The following MAGI2 variants were observed in gnomAD, a reference collection of about 807,000 sequenced individuals.
MAGI2 encodes membrane-associated guanylate kinase, WW and PDZ domain-containing protein 2.
Under a neutral mutation model 133.3 loss-of-function variants are expected in MAGI2, and 35 were observed. That is an observed-to-expected ratio of 0.26 (90% CI 0.20 to 0.35). MAGI2 has a LOEUF of 0.35. Ranked by LOEUF, MAGI2 falls within the 10% of genes least tolerant of loss-of-function variation. The pLI is 1.00. For synonymous variants in MAGI2, 729 were observed against 710.6 expected, an observed-to-expected ratio of 1.03 and a Z score of -0.41; for missense variants, 1,636 against 1,863.4, an observed-to-expected ratio of 0.88 and a Z score of 2.25.
chr7:79,077,202 G>A lies in MAGI2; in HGVS notation c.302-69996C>T, dbSNP rs942932960. On this transcript the variant is annotated intron_variant, in intron 1 of 21. Coordinates refer to ENST00000354212, the MANE Select transcript of MAGI2 (RefSeq NM_012301.4). ...TTTGTACTGTGGTTCCTATTTCCTA[G>A]CCCCCATCTGATTCTTGGTTCTGAA... Among the ~76,000 whole-genome samples, 5 of 152,140 alleles carry A rather than the reference G, an allele frequency of 3.3e-5. No individual in the cohort carries two copies. In the East Asian group the frequency reaches 9.7e-4, roughly 29 times the overall value.
chr7:78,134,295 A>G (rs1821870575), intron 17 of MAGI2: 1 of 152,262 alleles, frequency 6.6e-6, no homozygotes, highest in African/African-American at 2.4e-5. Context: ...GAGTGAGCCC[A>G]TCAGCCTCTG....
At chr7:78,993,973 C>A (rs1375320821) in intron 2 of MAGI2, among the ~76,000 whole-genome samples, 5 of 152,020 alleles carry the variant, frequency 3.3e-5, no homozygotes, top group African/African-American at 7.2e-5. Flanking sequence ...ATCCCCTGAG[C>A]CAGAATTGGG....
chr7:78,076,626 C>A (rs931894730), intron 21 of MAGI2, among the ~76,000 whole-genome samples: 6 of 149,138 alleles, frequency 4.0e-5, no homozygotes, highest in Admixed American at 6.6e-5. Context: ...GCGGGTGGAT[C>A]ATGAGGTCAG....
intron 2 of MAGI2, among the ~76,000 whole-genome samples, chr7:78,673,868 T>A (rs1199460179): frequency 6.6e-6 from 1 of 152,220 alleles, no homozygotes; most frequent in Non-Finnish European, 1.5e-5. Flanking sequence ...TAGTCATTTT[T>A]AAATTACTAC....
At chr7:79,295,827 A>G (rs1836888059) in intron 1 of MAGI2, among the ~76,000 whole-genome samples, 1 of 152,110 alleles carries the variant, frequency 6.6e-6, no homozygotes, top group Non-Finnish European at 1.5e-5. Flanking sequence ...TAGATATATC[A>G]TAATTTTAAA....
At chr7:79,016,006 G>T (rs540955246) in intron 1 of MAGI2, among the ~76,000 whole-genome samples, 4 of 117,996 alleles carry the variant, frequency 3.4e-5, no homozygotes, top group Non-Finnish European at 5.4e-5. Context: ...AGCGGGGGGG[G>T]GGGGTGGGGG....
chr7:79,169,577 A>G (rs1825314769), intron 1 of MAGI2, among the ~76,000 whole-genome samples: 1 of 152,108 alleles, frequency 6.6e-6, no homozygotes, highest in Non-Finnish European at 1.5e-5. Flanking sequence ...GGGCAGGCTC[A>G]GCTGGCTTTC....
chr7:78,474,547 A>G (rs1347323918), intron 6 of MAGI2, among the ~76,000 whole-genome samples: 1 of 152,044 alleles, frequency 6.6e-6, no homozygotes, highest in African/African-American at 2.4e-5. Flanking sequence ...GTACACTTTC[A>G]AAATTCAGAG....
intron 2 of MAGI2, among the ~76,000 whole-genome samples, chr7:78,697,983 T>C (rs10485911): frequency 0.068 from 10,407 of 152,206 alleles, 415 homozygotes; most frequent in Admixed American, 0.11. Flanking sequence ...CTTTAGGATG[T>C]TAGGAGGACT....
chr7:78,230,481 A>AT (rs779948075), intron 10 of MAGI2, among the ~76,000 whole-genome samples: 99 of 151,604 alleles, frequency 6.5e-4, no homozygotes, highest in East Asian at 3.7e-3. Flanking sequence ...TGAATATGCA[A>AT]TTTTTTTTTA....
intron 6 of MAGI2, among the ~76,000 whole-genome samples, chr7:78,453,566 C>T (rs779789742): frequency 1.3e-5 from 2 of 152,140 alleles, no homozygotes; most frequent in Non-Finnish European, 2.9e-5. Context: ...AGTCAACTTG[C>T]CCAAATGTCA....
At chr7:79,106,763 TAAGA>T (rs1818488096) in intron 1 of MAGI2, among the ~76,000 whole-genome samples, 1 of 152,220 alleles carries the variant, frequency 6.6e-6, no homozygotes, top group African/African-American at 2.4e-5. Flanking sequence ...TCTAAGTGTT[TAAGA>T]AAGAAATATC....
intron 1 of MAGI2, among the ~76,000 whole-genome samples, chr7:79,312,851 CAGT>C (rs774087473): frequency 8.5e-5 from 13 of 152,138 alleles, no homozygotes; most frequent in Non-Finnish European, 1.8e-4. Flanking sequence ...GCTGATGGTG[CAGT>C]AACAATAAAG....
chr7:78,973,591 A>T lies in MAGI2; in HGVS notation c.418+33499T>A, dbSNP rs373995183. On this transcript the variant is annotated intron_variant, in intron 2 of 21. Transcript: ENST00000354212. ...AATTGTTCCCTTGAATGTAAAACCT[A>T]TGATAGAAGTAAATTTTCTTAACTG... Among the ~76,000 whole-genome samples the T allele has an allele frequency of 2.2e-4, 34 of 151,572 alleles. 1 individual carries two copies. The East Asian group carries it at 3.5e-3, about 16-fold the overall frequency.
intron 1 of MAGI2, among the ~76,000 whole-genome samples, chr7:79,085,331 C>A (rs1816393258): frequency 1.3e-5 from 2 of 151,538 alleles, no homozygotes; most frequent in Admixed American, 6.6e-5. Flanking sequence ...ACTCTTTTTT[C>A]TAAAATTCAT....
chr7:78,428,308 T>G (rs1205711308), intron 6 of MAGI2, among the ~76,000 whole-genome samples: 2 of 152,168 alleles, frequency 1.3e-5, no homozygotes, highest in Non-Finnish European at 2.9e-5. Flanking sequence ...AAGTCATTAT[T>G]TGAAAACACA....
chr7:78,569,227 T>C (rs1317624788), intron 3 of MAGI2, among the ~76,000 whole-genome samples: 2 of 152,188 alleles, frequency 1.3e-5, no homozygotes, highest in African/African-American at 2.4e-5. Flanking sequence ...ATTCATTTAT[T>C]TATATAGTGT....
chr7:78,783,647 C>G (rs1448914544), intron 2 of MAGI2, among the ~76,000 whole-genome samples: 1 of 152,170 alleles, frequency 6.6e-6, no homozygotes, highest in African/African-American at 2.4e-5. Context: ...AATTGAATTA[C>G]AGTGGGTGAA....
rs144178910 is a variant in MAGI2, at chr7:78,375,486, T to C, written c.1046-6273A>G. ...GAAAGGCAGCCCAATTTAGGAATCA[T>C]GCAATGTACTAAGATATCAGAGACA... On this transcript the variant is annotated intron_variant, in intron 6 of 21. Transcript: ENST00000354212. Among the ~76,000 whole-genome samples the C allele has an allele frequency of 5.3e-5, 8 of 152,224 alleles. No homozygotes were observed. In the East Asian group the frequency reaches 1.4e-3, roughly 26 times the overall value.
Sources: gnomAD v4.1 joint callset for allele counts (sites outside exome capture counted in the v4.1 genomes callset) on GRCh38, gnomAD v4.1.1 for gene constraint, MANE v1.5 for transcripts, NCBI Gene and HGNC (gene_info 2026-07-23, HGNC 2026-07-21) for gene names.